Variants in UBE2N observed in about 807,000 individuals in gnomAD.
UBE2N encodes ubiquitin conjugating enzyme E2 N, also known as ubiquitin-conjugating enzyme E2 N.
For synonymous variants in UBE2N, 70 were observed against 69.2 expected, an observed-to-expected ratio of 1.01 and a Z score of -0.06; for missense variants, 60 against 192.1, an observed-to-expected ratio of 0.31 and a Z score of 4.07.
chr12:93,422,081 C>T (rs1036198861), intron 1 of UBE2N, among the ~76,000 whole-genome samples: 3 of 148,402 alleles, frequency 2.0e-5, no homozygotes, highest in Non-Finnish European at 2.9e-5. Context: ...AAAACCTCGT[C>T]TCCATCTTTT....
In UBE2N at chr12:93,407,978, T is replaced by C. The variant is rs1054808413; in HGVS notation, c.*2061A>G. On this transcript the variant is annotated 3_prime_UTR_variant, in exon 4 of 4. Coordinates refer to ENST00000318066, the MANE Select transcript of UBE2N (RefSeq NM_003348.4). Reference sequence around the variant, plus strand: ...CTGCATTTGAAATGAAAATGACTTATTTCTGTACTTCTATAACTCACAAAT... The same window carrying C: ...CTGCATTTGAAATGAAAATGACTTACTTCTGTACTTCTATAACTCACAAAT... The C allele has an allele frequency of 2.0e-5, 3 of 152,242 alleles. No individual in the cohort carries two copies. Among genetic ancestry groups the C allele is most frequent in the African/African-American group, 7.2e-5 (3 of 41,462 alleles). 9.4% of individuals were successfully genotyped at this position (152,242 alleles called of 1,614,324 possible). A position where few individuals can be genotyped will look rare whatever the true frequency, so the allele number is the denominator to read the frequency against.
At chr12:93,441,652 G>A (rs1041282874) in intron 1 of UBE2N, among the ~76,000 whole-genome samples, 2 of 151,888 alleles carry the variant, frequency 1.3e-5, no homozygotes, top group African/African-American at 4.8e-5. Context: ...CCCGCTGTCC[G>A]GCTGCCCCGC....
rs143247242 is a variant in UBE2N, at chr12:93,440,297, C to T, written c.30+1558G>A. ...GCATTATAACTAAAACCACGTTGTA[C>T]GGACCTGCCAATACATATGACAATT... On this transcript the variant is annotated intron_variant, in intron 1 of 3. Transcript: ENST00000318066. 2.6e-3 allele frequency among the ~76,000 whole-genome samples: 390 copies of T among 152,248 alleles called. 2 individuals are homozygous for T. Among genetic ancestry groups the T allele is most frequent in the African/African-American group, 9.2e-3 (381 of 41,524 alleles).
chr12:93,411,494 C>T (rs1445828705), intron 1 of UBE2N, among the ~76,000 whole-genome samples, 195 bp from the exon 2 acceptor site: 5 of 152,054 alleles, frequency 3.3e-5, no homozygotes, highest in South Asian at 2.1e-4. Flanking sequence ...AAACTGCAAG[C>T]GAATACTAAT....
intron 1 of UBE2N, among the ~76,000 whole-genome samples, chr12:93,415,746 T>C (rs1453364156): frequency 2.0e-5 from 3 of 152,016 alleles, no homozygotes; most frequent in South Asian, 2.1e-4. Context: ...ATTGGGTGAC[T>C]GGAAAAAAAA....
intron 1 of UBE2N, among the ~76,000 whole-genome samples, chr12:93,421,800 C>T (rs997668035): frequency 5.3e-5 from 8 of 152,130 alleles, no homozygotes; most frequent in African/African-American, 1.9e-4. Flanking sequence ...TCAACATGCT[C>T]TAAAATGTTT....
intron 1 of UBE2N, among the ~76,000 whole-genome samples, chr12:93,433,939 G>A (rs1406674672): frequency 6.6e-6 from 1 of 152,190 alleles, no homozygotes; most frequent in East Asian, 1.9e-4. Flanking sequence ...CAGGAATCTG[G>A]TCATCCAACT....
intron 1 of UBE2N, among the ~76,000 whole-genome samples, chr12:93,415,206 C>T (rs1413352074): frequency 2.6e-5 from 4 of 152,044 alleles, no homozygotes; most frequent in Non-Finnish European, 5.9e-5. Context: ...ATTTACACTG[C>T]CTTCACCTAA....
intron 1 of UBE2N, among the ~76,000 whole-genome samples, chr12:93,435,374 G>A (rs1470906453): frequency 6.6e-6 from 1 of 152,166 alleles, no homozygotes; most frequent in African/African-American, 2.4e-5. Context: ...TAGGGAGGCT[G>A]AGGCAGGAGA....
rs894909517 is a variant in UBE2N at position 93,407,580 on chromosome 12, T to C, written c.*2459A>G. The C allele has an allele frequency of 6.6e-6, 1 of 152,186 alleles. No individual in the cohort carries two copies. Among genetic ancestry groups the C allele is most frequent in the African/African-American group, 2.4e-5 (1 of 41,438 alleles). 9.4% of individuals were successfully genotyped at this position (152,186 alleles called of 1,614,324 possible). On this transcript the variant is annotated 3_prime_UTR_variant, in exon 4 of 4. Coordinates refer to ENST00000318066, the MANE Select transcript of UBE2N (RefSeq NM_003348.4). Reference sequence around the variant, plus strand: ...TAGGGTGTCTGCTACTCAGATCCTCTCAGTTAAGTCCCGTGCACAAAGGTG... The same window carrying C: ...TAGGGTGTCTGCTACTCAGATCCTCCCAGTTAAGTCCCGTGCACAAAGGTG...
intron 1 of UBE2N, among the ~76,000 whole-genome samples, chr12:93,434,252 ACTGCACTCCAGC>A (rs1316944759): frequency 7.2e-5 from 11 of 152,240 alleles, no homozygotes; most frequent in African/African-American, 2.7e-4. Context: ...AGTTCGTGCC[ACTGCACTCCAGC>A]CTGGCGACAG....
At chr12:93,421,365 C>A (rs2121073552) in intron 1 of UBE2N, among the ~76,000 whole-genome samples, 2 of 152,166 alleles carry the variant, frequency 1.3e-5, no homozygotes, top group East Asian at 3.9e-4. Flanking sequence ...CCTCGCCCAG[C>A]TAAATTTTTT....
Position 93,432,560 on chromosome 12 carries a change from T to TA in UBE2N, c.30+9294dup, listed in dbSNP as rs1413134743. ...TAATCTTAAGAAAGTTACAGAGCAA[T>TA]AAAAAAATCACCAATGGTTTCATGA... On this transcript the variant is annotated intron_variant, in intron 1 of 3. Transcript: ENST00000318066. 5.3e-5 allele frequency among the ~76,000 whole-genome samples: 8 copies of TA among 151,664 alleles called. No homozygotes were observed. In the South Asian group the frequency reaches 6.2e-4, roughly 12 times the overall value.
intron 1 of UBE2N, among the ~76,000 whole-genome samples, chr12:93,433,996 G>C (rs918605452): frequency 6.6e-6 from 1 of 152,218 alleles, no homozygotes; most frequent in African/African-American, 2.4e-5. Context: ...GGATAGAACA[G>C]ATGTTCTCTA....
intron 1 of UBE2N, among the ~76,000 whole-genome samples, chr12:93,441,506 G>A (rs556532895): frequency 1.4e-5 from 2 of 144,186 alleles, no homozygotes; most frequent in South Asian, 2.1e-4. Context: ...CGCGGCCTCC[G>A]GCGGGGGGGT....
At chr12:93,436,570 A>AT (rs1878939879) in intron 1 of UBE2N, among the ~76,000 whole-genome samples, 1 of 152,012 alleles carries the variant, frequency 6.6e-6, no homozygotes, top group South Asian at 2.1e-4. Context: ...AGAACCTCTC[A>AT]TTTGAGGGAC....
chr12:93,437,386 G>A (rs541828432), intron 1 of UBE2N, among the ~76,000 whole-genome samples: 1 of 151,030 alleles, frequency 6.6e-6, no homozygotes, highest in African/African-American at 2.4e-5. Context: ...TCAACTTGAA[G>A]ATACATAGGT....
chr12:93,437,964 T>G lies in UBE2N; in HGVS notation c.30+3891A>C, dbSNP rs112512156. Among the ~76,000 whole-genome samples, 973 of 152,284 alleles carry G rather than the reference T, an allele frequency of 6.4e-3. 6 individuals carry two copies. Among genetic ancestry groups the G allele is most frequent in the Non-Finnish European group, 8.4e-3 (574 of 68,008 alleles). ...GCAGAGTAGGCACACAAAAAAGAAATAATGTAAAAGATTGATGTCCTTTTT... is the reference window on the plus strand; with the variant it reads ...GCAGAGTAGGCACACAAAAAAGAAAGAATGTAAAAGATTGATGTCCTTTTT... On this transcript the variant is annotated intron_variant, in intron 1 of 3. Coordinates refer to ENST00000318066, the MANE Select transcript of UBE2N (RefSeq NM_003348.4).
intron 1 of UBE2N, among the ~76,000 whole-genome samples, chr12:93,430,964 C>T (rs1878749478): frequency 6.6e-6 from 1 of 150,902 alleles, no homozygotes; most frequent in Non-Finnish European, 1.5e-5. Context: ...CGCAGTGGCT[C>T]ATGCCTGTAA....
Sources: allele counts gnomAD v4.1 joint callset (sites outside exome capture counted in the v4.1 genomes callset), GRCh38; gene constraint gnomAD v4.1.1; transcripts MANE v1.5; gene names NCBI Gene and HGNC (gene_info 2026-07-23, HGNC 2026-07-21).